The following DST variants were observed in gnomAD, a reference collection of about 807,000 sequenced individuals.
The protein encoded by DST is dystonin.
A neutral mutation model predicts 875.2 loss-of-function variants in DST; 253 were observed. The ratio of observed to expected loss-of-function variants is 0.29; its 90% CI spans 0.26 to 0.32. The LOEUF is 0.32. DST is among the 10% of genes least tolerant of loss of function. The probability of loss-of-function intolerance (pLI) is 1.00; values close to 1 mark genes in which losing one functional copy is unlikely to be tolerated. For synonymous variants in DST, 3,124 were observed against 3,197.1 expected (o/e 0.98, Z 0.77); for missense variants, 8,287 against 9,111.6 (o/e 0.91, Z 3.68).
chr6:56,635,893 T>C (rs993715521), intron 23 of DST, among the ~76,000 whole-genome samples, 179 bp from the exon 24 acceptor site: 1 of 152,196 alleles, frequency 6.6e-6, no homozygotes, highest in Non-Finnish European at 1.5e-5. Flanking sequence ...TGAAGTTGAA[T>C]AGTTATGAAT....
chr6:56,542,646 TC>T (rs1185878994), intron 61 of DST: 1 of 152,532 alleles, frequency 6.6e-6, no homozygotes, highest in African/African-American at 2.4e-5. Context: ...GGCCTTCATT[TC>T]AGCTGGGGCT....
intron 4 of DST, among the ~76,000 whole-genome samples, chr6:56,749,544 T>C (rs1489475358): frequency 1.3e-5 from 2 of 152,190 alleles, no homozygotes; most frequent in Admixed American, 6.5e-5. Context: ...AATATTCATA[T>C]AAGAAGTTCC....
At position 56,572,897 on chromosome 6, in the gene DST, A is replaced by C; in HGVS notation, c.13404T>G (p.Thr4468=). Reference sequence around the variant, plus strand: ...TTTTTAGCTCCTCCATTTTGGCAAGAGTTTCTTTGTGTTTATGACTTGCTT... The same window carrying C: ...TTTTTAGCTCCTCCATTTTGGCAAGCGTTTCTTTGTGTTTATGACTTGCTT... The part of the protein sequence containing the change: ...FSEASHKHKE[T]LAKMEELKTK... The change falls in exon 52 of 104, where the codon ACT becomes ACG. Residue 4468 remains threonine (T), a synonymous_variant. Transcript: ENST00000680361. 1 of 1,613,446 alleles carries C rather than the reference A, an allele frequency of 6.2e-7. No individual in the cohort carries two copies.
intron 53 of DST, among the ~76,000 whole-genome samples, chr6:56,570,376 T>C (rs1281741069): frequency 6.6e-6 from 1 of 152,162 alleles, no homozygotes; most frequent in Middle Eastern, 3.2e-3. Flanking sequence ...CCTGAGCTTG[T>C]TTTCCTGAAA....
intron 2 of DST, among the ~76,000 whole-genome samples, chr6:56,931,807 G>T (rs13218496): frequency 6.6e-6 from 1 of 152,180 alleles, no homozygotes; most frequent in South Asian, 2.1e-4. Flanking sequence ...TGGAACTGCT[G>T]TATTTACCCA....
At chr6:56,901,457 T>C (rs540107201) in intron 2 of DST, among the ~76,000 whole-genome samples, 18 of 152,276 alleles carry the variant, frequency 1.2e-4, no homozygotes, top group Non-Finnish European at 2.4e-4. Context: ...TAGCTGGTCA[T>C]GCTGGTGGAC....
intron 2 of DST, among the ~76,000 whole-genome samples, chr6:56,930,381 G>C (rs990934369): frequency 1.3e-5 from 2 of 152,200 alleles, no homozygotes; most frequent in Non-Finnish European, 2.9e-5. Flanking sequence ...AGCCTGTCTT[G>C]TGTGTAAAAT....
Position 56,555,332 on chromosome 6 carries a change from A to C in DST, c.15136+13T>G. The C allele has an allele frequency of 5.2e-6, 8 of 1,552,838 alleles. No homozygotes were observed. Among genetic ancestry groups the C allele is most frequent in the Non-Finnish European group, 6.9e-6 (8 of 1,151,522 alleles). The stretch of plus-strand genomic sequence containing the variant: ...TTCTGACCAGGAAATATATGTATTA[A>C]AAGTAGACAAACCTGCTTTCTGTTC... On this transcript the variant is annotated intron_variant, in intron 60 of 103. Transcript: ENST00000680361.
At chr6:56,938,508 G>C (rs1814485347) in intron 2 of DST, among the ~76,000 whole-genome samples, 1 of 152,020 alleles carries the variant, frequency 6.6e-6, no homozygotes, top group Admixed American at 6.6e-5. Context: ...AATTGGAAAA[G>C]ACTGTCCAGG....
intron 4 of DST, among the ~76,000 whole-genome samples, chr6:56,824,026 CCCTCTCTTT>C (rs1374548804): frequency 6.6e-6 from 1 of 151,770 alleles, no homozygotes; most frequent in Non-Finnish European, 1.5e-5. Context: ...GTCTCCCTCT[CCCTCTCTTT>C]CCACGGTCTC....
At chr6:56,793,768 G>C (rs2099735187) in intron 4 of DST, among the ~76,000 whole-genome samples, 1 of 152,112 alleles carries the variant, frequency 6.6e-6, no homozygotes, top group Non-Finnish European at 1.5e-5. Context: ...GTTCCTTAAA[G>C]TGCTATGTTA....
chr6:56,837,499 G>A (rs905177484), intron 4 of DST, among the ~76,000 whole-genome samples: 1 of 152,066 alleles, frequency 6.6e-6, no homozygotes, highest in Non-Finnish European at 1.5e-5. Flanking sequence ...CCGCGCTGCT[G>A]CCAGAGTGCT....
intron 4 of DST, among the ~76,000 whole-genome samples, chr6:56,845,148 ACTG>A: frequency 6.6e-6 from 1 of 152,302 alleles, no homozygotes; most frequent in South Asian, 2.1e-4. Context: ...CCTCATTGCT[ACTG>A]CTATTATTAG....
At position 56,714,795 on chromosome 6, in the gene DST, T is replaced by C. The variant is rs1049687268; in HGVS notation, c.688-10426A>G. Among the ~76,000 whole-genome samples, 1 of 152,228 alleles carries C rather than the reference T, an allele frequency of 6.6e-6. No individual in the cohort carries two copies. The highest frequency in any genetic ancestry group is 2.4e-5 in the African/African-American group (1 of 41,474). ...AAACCTCTGCTGTGATATTTCTCTATTGATAACTCCTCCTCTAGTTACTGA... is the reference window on the plus strand; with the variant it reads ...AAACCTCTGCTGTGATATTTCTCTACTGATAACTCCTCCTCTAGTTACTGA... On this transcript the variant is annotated intron_variant, in intron 5 of 103. Transcript: ENST00000680361. The surrounding 1 kb of genome is among the most constrained non-coding windows in gnomAD (Gnocchi z 4.5).
chr6:56,509,685 C>A lies in DST; in HGVS notation c.18969G>T (p.Met6323Ile). The A allele has an allele frequency of 6.2e-7, 1 of 1,613,718 alleles. No individual in the cohort carries two copies. Among genetic ancestry groups the A allele is most frequent in the South Asian group, 1.1e-5 (1 of 91,072 alleles). ...YETLKQRGEE[M>I]IARSGGTDKD... Reference sequence around the variant, plus strand: ...TATCAGTCCCCCCAGATCTAGCAATCATTTCCTCTCCCCTCTGTTTAAGAG... The same window carrying A: ...TATCAGTCCCCCCAGATCTAGCAATAATTTCCTCTCCCCTCTGTTTAAGAG... Residue 6323 changes from methionine (M) to isoleucine (I), a missense_variant, in exon 74 of 104, where the codon ATG (methionine) becomes ATT (isoleucine). Met to Ile is a conservative substitution (Grantham distance 10). Around this residue, in one of 10 missense-constraint regions of DST, gnomAD observed 1,292 missense variants for 1,552.7 expected, o/e 0.83. Coordinates refer to ENST00000680361, the MANE Select transcript of DST (RefSeq NM_001374736.1).
intron 47 of DST, among the ~76,000 whole-genome samples, chr6:56,594,491 T>C (rs958222821): frequency 2.6e-5 from 4 of 152,186 alleles, no homozygotes; most frequent in Admixed American, 2.6e-4. Context: ...ATTCCAATTT[T>C]AAAATAAGTG....
At chr6:56,647,223 C>T (rs2098948228) in intron 13 of DST, among the ~76,000 whole-genome samples, 1 of 152,214 alleles carries the variant, frequency 6.6e-6, no homozygotes, top group Middle Eastern at 3.2e-3. Flanking sequence ...GGTCATTAAG[C>T]ACCGAATACT....
chr6:56,524,030 CT>C (rs1277640488), intron 69 of DST, among the ~76,000 whole-genome samples: 2 of 152,004 alleles, frequency 1.3e-5, no homozygotes, highest in Non-Finnish European at 2.9e-5. Flanking sequence ...TAAAGATATG[CT>C]TTTTTTAATC....
At chr6:56,586,752 C>T (rs910025665) in intron 49 of DST, among the ~76,000 whole-genome samples, 15 of 152,228 alleles carry the variant, frequency 9.9e-5, no homozygotes, top group African/African-American at 1.4e-4. Context: ...TCGCGGTTCA[C>T]GAAAATCCGC....
Sources: gnomAD v4.1 joint callset for allele counts (sites outside exome capture counted in the v4.1 genomes callset) on GRCh38, gnomAD v4.1.1 for gene constraint, gnomAD v4.1.1 regional missense constraint, Gnocchi (gnomAD v3.1) non-coding constraint, MANE v1.5 for transcripts, NCBI Gene and HGNC (gene_info 2026-07-23, HGNC 2026-07-21) for gene names.